The following SHANK2 variants were observed in gnomAD, a reference collection of about 807,000 sequenced individuals.
The protein encoded by SHANK2 is SH3 and multiple ankyrin repeat domains 2.
A neutral mutation model predicts 133.7 loss-of-function variants in SHANK2; 43 were observed. The ratio of observed to expected loss-of-function variants is 0.32; its 90% CI spans 0.25 to 0.41. The LOEUF (loss-of-function observed/expected upper bound fraction) is 0.41. SHANK2 is among the 10% of genes least tolerant of loss of function. The probability of loss-of-function intolerance (pLI) is 1.00; values close to 1 mark genes in which losing one functional copy is unlikely to be tolerated. For missense variants in SHANK2, 1,994 were observed against 2,235.8 expected (o/e 0.89, Z 2.18); for synonymous variants, 1,017 against 952.8 (o/e 1.07, Z -1.24).
chr11:70,814,559 C>T (rs1038247577), intron 12 of SHANK2, among the ~76,000 whole-genome samples: 8 of 152,212 alleles, frequency 5.3e-5, no homozygotes, highest in African/African-American at 1.7e-4. Flanking sequence ...GCCTGAAACC[C>T]TGAACGCAGC....
Position 70,500,905 on chromosome 11 carries a change from T to A in SHANK2, c.2288-315A>T. ...GCACCCTGCCAAAGTAGGGAGGAGT[T>A]CTCAGAGCAGACATGAGCAGAGGTG... On this transcript the variant is annotated intron_variant, in intron 20 of 25. Coordinates refer to ENST00000601538, the MANE Select transcript of SHANK2 (RefSeq NM_012309.5). The surrounding 1 kb of genome is among the most constrained non-coding windows in gnomAD (Gnocchi z 4.5). The A allele has an allele frequency of 1.6e-6, 1 of 631,358 alleles. No homozygotes were observed. 39.1% of individuals were successfully genotyped at this position (631,358 alleles called of 1,614,324 possible). A position where few individuals can be genotyped will look rare whatever the true frequency, so the allele number is the denominator to read the frequency against.
intron 10 of SHANK2, chr11:70,943,834 G>A: frequency 4.6e-6 from 2 of 439,232 alleles, no homozygotes; most frequent in South Asian, 1.7e-5. Context: ...CCTCACCACA[G>A]GGCCAACCAC....
chr11:71,062,853 C>T (rs1295707034), intron 9 of SHANK2, among the ~76,000 whole-genome samples: 1 of 151,642 alleles, frequency 6.6e-6, no homozygotes, highest in Non-Finnish European at 1.5e-5. Flanking sequence ...AAAAATTAGC[C>T]AGGAGCGGTG....
intron 2 of SHANK2, among the ~76,000 whole-genome samples, chr11:71,215,868 C>A (rs912140694): frequency 6.6e-6 from 1 of 152,210 alleles, no homozygotes; most frequent in Non-Finnish European, 1.5e-5. Context: ...GCACCTACCA[C>A]CACCTTGGGC....
At chr11:71,073,105 A>C (rs1951163351) in intron 9 of SHANK2, among the ~76,000 whole-genome samples, 1 of 145,734 alleles carries the variant, frequency 6.9e-6, no homozygotes, top group Non-Finnish European at 1.5e-5. Context: ...TGTCCCATGC[A>C]GTGGTGGAAG....
At position 70,836,614 on chromosome 11, in the gene SHANK2, G is replaced by A. The variant is rs73532055; in HGVS notation, c.1175-15932C>T. Among the ~76,000 whole-genome samples the A allele has an allele frequency of 4.9e-3, 749 of 152,200 alleles. 8 individuals are homozygous for A. Among genetic ancestry groups the A allele is most frequent in the African/African-American group, 0.016 (674 of 41,530 alleles). ...GCTCACTGTTCATAGGCTCCTCACC[G>A]CCTGGGCATTTGGTGCCAGACTGCA... On this transcript the variant is annotated intron_variant, in intron 11 of 25. Coordinates refer to ENST00000601538, the MANE Select transcript of SHANK2 (RefSeq NM_012309.5).
chr11:71,215,160 T>G (rs1555119559), intron 2 of SHANK2, among the ~76,000 whole-genome samples: 2 of 152,160 alleles, frequency 1.3e-5, no homozygotes, highest in Non-Finnish European at 1.5e-5. Context: ...ATAGTGCAGC[T>G]TAATGCCATC....
chr11:70,842,784 G>C (rs1245117113), intron 11 of SHANK2, among the ~76,000 whole-genome samples: 1 of 152,160 alleles, frequency 6.6e-6, no homozygotes, highest in Non-Finnish European at 1.5e-5. Context: ...CAGCACGCAG[G>C]GTCTCCCCAC....
chr11:70,587,279 C>T (rs959284375), intron 17 of SHANK2, among the ~76,000 whole-genome samples: 2 of 152,224 alleles, frequency 1.3e-5, no homozygotes, highest in Admixed American at 1.3e-4. Context: ...CCAGTCCCTC[C>T]TCTAAATGCT....
chr11:70,837,356 G>A (rs1948835457), intron 11 of SHANK2, among the ~76,000 whole-genome samples: 1 of 152,094 alleles, frequency 6.6e-6, no homozygotes, highest in Non-Finnish European at 1.5e-5. Context: ...CTCTGCCCCT[G>A]CTGTGCCTAC....
chr11:71,127,058 A>C (rs1357950511), intron 3 of SHANK2, among the ~76,000 whole-genome samples: 1 of 152,242 alleles, frequency 6.6e-6, no homozygotes, highest in African/African-American at 2.4e-5. Context: ...TAAGTTTGGA[A>C]GAAGTTGATT....
At chr11:70,630,232 C>A (rs1393602946) in intron 17 of SHANK2, among the ~76,000 whole-genome samples, 1 of 152,200 alleles carries the variant, frequency 6.6e-6, no homozygotes, top group Non-Finnish European at 1.5e-5. Context: ...TTGCAGGTGC[C>A]CTGAGGCCAG....
intron 1 of SHANK2, among the ~76,000 whole-genome samples, chr11:71,250,479 C>G (rs1591052665): frequency 6.6e-6 from 1 of 152,322 alleles, no homozygotes; most frequent in East Asian, 1.9e-4. Flanking sequence ...ACAGCTCCCA[C>G]CTACCAATCC....
intron 10 of SHANK2, among the ~76,000 whole-genome samples, chr11:70,953,960 G>C (rs1950880570): frequency 6.6e-6 from 1 of 152,198 alleles, no homozygotes; most frequent in Non-Finnish European, 1.5e-5. Context: ...CTCTAGGAGA[G>C]CCGTGTGTGT....
chr11:70,917,431 T>G lies in SHANK2; in HGVS notation c.1108-20864A>C, dbSNP rs370148884. Reference sequence around the variant, plus strand: ...TGGGAGTGTAAATTAGTTCAGCCATTGTGAAAGACAGTGTGGAGATTCTTC... The same window carrying G: ...TGGGAGTGTAAATTAGTTCAGCCATGGTGAAAGACAGTGTGGAGATTCTTC... On this transcript the variant is annotated intron_variant, in intron 10 of 25. Coordinates refer to ENST00000601538, the MANE Select transcript of SHANK2 (RefSeq NM_012309.5). Among the ~76,000 whole-genome samples, 5 of 152,298 alleles carry G rather than the reference T, an allele frequency of 3.3e-5. No homozygotes were observed. In the East Asian group the frequency reaches 5.8e-4, roughly 18 times the overall value.
At position 71,094,467 on chromosome 11, in the gene SHANK2, G is replaced by C. The variant is rs1351793765; in HGVS notation, c.744+70C>G. Reference sequence around the variant, plus strand: ...GGACCCCCTAGGATGGGCACTGCGGGGATGGGATGGGGCAGCCGCACGGAA... The same window carrying C: ...GGACCCCCTAGGATGGGCACTGCGGCGATGGGATGGGGCAGCCGCACGGAA... On this transcript the variant is annotated intron_variant, in intron 7 of 25. Coordinates refer to ENST00000601538, the MANE Select transcript of SHANK2 (RefSeq NM_012309.5). The C allele has an allele frequency of 3.4e-6, 5 of 1,465,076 alleles. No homozygotes were observed. The Admixed American group carries it at 1.0e-4, about 30-fold the overall frequency. 90.8% of individuals were successfully genotyped at this position (1,465,076 alleles called of 1,614,324 possible).
At chr11:70,633,236 TAATA>T (rs1370122350) in intron 17 of SHANK2, among the ~76,000 whole-genome samples, 2 of 148,346 alleles carry the variant, frequency 1.3e-5, no homozygotes, top group African/African-American at 2.4e-5. Flanking sequence ...ATATTGTATA[TAATA>T]TATATTCTAT....
intron 14 of SHANK2, among the ~76,000 whole-genome samples, chr11:70,724,440 G>T (rs184595895): frequency 2.6e-4 from 39 of 152,262 alleles, no homozygotes; most frequent in African/African-American, 9.1e-4. Flanking sequence ...GTGGCCATAG[G>T]TGTAAAAATG....
intron 17 of SHANK2, among the ~76,000 whole-genome samples, chr11:70,528,749 G>A (rs1230024460): frequency 5.3e-5 from 8 of 152,008 alleles, no homozygotes; most frequent in African/African-American, 1.7e-4. Context: ...CTCGGCATCC[G>A]TGGGGGAGAT....
Sources: allele counts gnomAD v4.1 joint callset (sites outside exome capture counted in the v4.1 genomes callset), GRCh38; gene constraint gnomAD v4.1.1; non-coding constraint Gnocchi (gnomAD v3.1); transcripts MANE v1.5; gene names NCBI Gene and HGNC (gene_info 2026-07-23, HGNC 2026-07-21).